NKAIN3: variants seen among roughly 807,000 people sequenced by gnomAD.
NKAIN3 encodes the protein sodium/potassium transporting ATPase interacting 3.
Under a neutral mutation model 30.2 loss-of-function variants are expected in NKAIN3, and 25 were observed. That is an observed-to-expected ratio of 0.83 (90% confidence interval 0.60 to 1.16). NKAIN3 has a LOEUF of 1.16. Among genes scored for constraint, NKAIN3 ranks in the 50% most tolerant of loss-of-function variants. The pLI, the probability that NKAIN3 is intolerant of heterozygous loss-of-function variation, is 0.00. For synonymous variants in NKAIN3, 91 were observed against 89.6 expected (o/e 1.02, Z -0.09); for missense variants, 225 against 254.1 (o/e 0.89, Z 0.78).
At chr8:62,261,388 C>T (rs1812435959) in intron 1 of NKAIN3, among the ~76,000 whole-genome samples, 1 of 152,126 alleles carries the variant, frequency 6.6e-6, no homozygotes, top group African/African-American at 2.4e-5. Context: ...TGATTCAGAA[C>T]TGATAATGGG....
chr8:62,733,037 T>G (rs1432471011), intron 3 of NKAIN3, among the ~76,000 whole-genome samples: 6 of 152,142 alleles, frequency 3.9e-5, no homozygotes, highest in Non-Finnish European at 7.4e-5. Context: ...TCATTATATT[T>G]TAAATTTTTC....
intron 1 of NKAIN3, among the ~76,000 whole-genome samples, chr8:62,573,094 A>G (rs1809998581): frequency 6.6e-6 from 1 of 152,180 alleles, no homozygotes; most frequent in Non-Finnish European, 1.5e-5. Flanking sequence ...ACTCTGCAGG[A>G]AGAATTTTAA....
chr8:62,928,637 T>A (rs1170550383), intron 5 of NKAIN3, among the ~76,000 whole-genome samples: 2 of 152,130 alleles, frequency 1.3e-5, no homozygotes, highest in Non-Finnish European at 2.9e-5. Flanking sequence ...TAGACGAGGG[T>A]TCCAGTCCTG....
intron 5 of NKAIN3, among the ~76,000 whole-genome samples, chr8:62,944,688 G>A (rs944650864): frequency 7.2e-5 from 11 of 152,088 alleles, no homozygotes; most frequent in African/African-American, 2.7e-4. Flanking sequence ...TTCTGCTTTG[G>A]ATGGGAATAT....
intron 1 of NKAIN3, among the ~76,000 whole-genome samples, chr8:62,395,953 C>T (rs1445137735): frequency 6.6e-6 from 1 of 152,046 alleles, no homozygotes; most frequent in Non-Finnish European, 1.5e-5. Flanking sequence ...TTAAATCACC[C>T]ATATAGTGAG....
intron 1 of NKAIN3, among the ~76,000 whole-genome samples, chr8:62,382,838 C>CCA (rs1817318735): frequency 1.3e-5 from 2 of 152,098 alleles, no homozygotes; most frequent in Non-Finnish European, 2.9e-5. Flanking sequence ...TCCAAAATTT[C>CCA]TTTCACAGTT....
intron 1 of NKAIN3, among the ~76,000 whole-genome samples, chr8:62,521,628 G>C (rs1427128506): frequency 1.3e-5 from 2 of 152,142 alleles, no homozygotes; most frequent in African/African-American, 2.4e-5. Context: ...TGCTTTAGTT[G>C]CTGGTAATGT....
At chr8:62,587,792 C>T (rs1323399723) in intron 2 of NKAIN3, among the ~76,000 whole-genome samples, 1 of 152,004 alleles carries the variant, frequency 6.6e-6, no homozygotes, top group Non-Finnish European at 1.5e-5. Flanking sequence ...AACGTAGGAA[C>T]TGACAGTTGA....
At chr8:62,714,660 G>C (rs975023234) in intron 3 of NKAIN3, among the ~76,000 whole-genome samples, 11 of 152,126 alleles carry the variant, frequency 7.2e-5, no homozygotes, top group Admixed American at 3.3e-4. Flanking sequence ...GCTATGTTTA[G>C]GGCACTGTTC....
chr8:62,625,291 G>T (rs1441253872), intron 3 of NKAIN3, among the ~76,000 whole-genome samples: 1 of 152,080 alleles, frequency 6.6e-6, no homozygotes, highest in Non-Finnish European at 1.5e-5. Flanking sequence ...TATCATAAGT[G>T]CTGTCTCATT....
chr8:62,464,540 G>T (rs1476412419), intron 1 of NKAIN3, among the ~76,000 whole-genome samples: 1 of 152,170 alleles, frequency 6.6e-6, no homozygotes, highest in African/African-American at 2.4e-5. Flanking sequence ...CCTGATAGAA[G>T]CGTAGTGCTA....
At chr8:62,396,842 T>A (rs940120412) in intron 1 of NKAIN3, among the ~76,000 whole-genome samples, 1 of 152,226 alleles carries the variant, frequency 6.6e-6, no homozygotes, top group Non-Finnish European at 1.5e-5. Context: ...GGTACCAGGT[T>A]ATAACGACTT....
rs139389549 is a variant in NKAIN3, at chr8:62,335,986, T to C, written c.54+86859T>C. 8.4e-3 allele frequency among the ~76,000 whole-genome samples: 1,284 copies of C among 152,170 alleles called. 13 individuals carry two copies. The highest frequency in any genetic ancestry group is 0.015 in the Non-Finnish European group (990 of 67,974). ...CATCCTTAAAATTCACAGAGACATA[T>C]ATTATGATTTCTATAAGTCCAATTA... On this transcript the variant is annotated intron_variant, in intron 1 of 6. Coordinates refer to ENST00000623646, the MANE Select transcript of NKAIN3 (RefSeq NM_001304533.3).
chr8:62,778,726 G>A (rs1489382797), intron 4 of NKAIN3, among the ~76,000 whole-genome samples: 3 of 151,958 alleles, frequency 2.0e-5, no homozygotes, highest in African/African-American at 4.8e-5. Context: ...TGGTATCTAA[G>A]CTACCAGAAA....
At chr8:62,260,889 G>A (rs1359316850) in intron 1 of NKAIN3, among the ~76,000 whole-genome samples, 2 of 151,902 alleles carry the variant, frequency 1.3e-5, no homozygotes, top group Non-Finnish European at 2.9e-5. Flanking sequence ...ACATCTACAC[G>A]GTACGTATTT....
intron 1 of NKAIN3, among the ~76,000 whole-genome samples, chr8:62,342,451 T>G (rs1203165969): frequency 6.6e-6 from 1 of 152,018 alleles, no homozygotes; most frequent in African/African-American, 2.4e-5. Context: ...CAAAGACCAA[T>G]GCAATAGAAA....
intron 1 of NKAIN3, among the ~76,000 whole-genome samples, chr8:62,434,889 C>T (rs1459116680): frequency 6.6e-6 from 1 of 152,098 alleles, no homozygotes; most frequent in African/African-American, 2.4e-5. Flanking sequence ...CCTTTGAACA[C>T]CTCTCCCCCT....
chr8:62,413,917 T>A (rs560387599), intron 1 of NKAIN3, among the ~76,000 whole-genome samples: 1 of 152,280 alleles, frequency 6.6e-6, no homozygotes, highest in African/African-American at 2.4e-5. Context: ...TTTGTTTTTT[T>A]AAACTGTTTC....
At chr8:62,434,071 A>C (rs1377274770) in intron 1 of NKAIN3, among the ~76,000 whole-genome samples, 1 of 152,118 alleles carries the variant, frequency 6.6e-6, no homozygotes, top group African/African-American at 2.4e-5. Context: ...CCTGATGCTG[A>C]GCATGCCAAA....
Sources: allele counts gnomAD v4.1 joint callset (sites outside exome capture counted in the v4.1 genomes callset), GRCh38; gene constraint gnomAD v4.1.1; transcripts MANE v1.5; gene names NCBI Gene and HGNC (gene_info 2026-07-23, HGNC 2026-07-21).